PTP4A3: variants seen among roughly 807,000 people sequenced by gnomAD.
PTP4A3 encodes the protein protein tyrosine phosphatase type IVA 3.
PTP4A3 carries 9 observed loss-of-function variants against 15.2 expected under a neutral mutation model. The observed-to-expected ratio is 0.59, with a 90% CI of 0.36 to 1.03. PTP4A3 has a LOEUF of 1.03. PTP4A3 is among the 50% of genes least tolerant of loss of function. The pLI is 0.02. For synonymous variants in PTP4A3, 95 were observed against 102.0 expected (o/e 0.93, Z 0.41); for missense variants, 234 against 252.1 (o/e 0.93, Z 0.49).
At chr8:141,402,982 C>T (rs1008262583) in intron 1 of PTP4A3, among the ~76,000 whole-genome samples, 2 of 152,126 alleles carry the variant, frequency 1.3e-5, no homozygotes, top group African/African-American at 4.8e-5. Context: ...TCAGGAGGGT[C>T]CCTGGCTGGT....
In PTP4A3 at chr8:141,431,697, C is replaced by T. The variant is rs1331775011; in HGVS notation, c.*653C>T. The T allele has an allele frequency of 2.0e-5, 3 of 152,400 alleles. No homozygotes were observed. The highest frequency in any genetic ancestry group is 4.4e-5 in the Non-Finnish European group (3 of 68,190). 9.4% of individuals were successfully genotyped at this position (152,400 alleles called of 1,614,324 possible). A position where few individuals can be genotyped will look rare whatever the true frequency, so the allele number is the denominator to read the frequency against. The stretch of plus-strand genomic sequence containing the variant: ...ACCCCGACCCAGGGGCCAGCCTGCC[C>T]TGTCCTGTCCTGATACCGAGGTGGG... On this transcript the variant is annotated 3_prime_UTR_variant, in exon 6 of 6. Transcript: ENST00000521578.
intron 1 of PTP4A3, among the ~76,000 whole-genome samples, chr8:141,403,968 G>A (rs958424909): frequency 1.3e-5 from 2 of 152,252 alleles, no homozygotes; most frequent in African/African-American, 4.8e-5. Flanking sequence ...GAGTGGCTGA[G>A]CCTGTCTCAG....
intron 1 of PTP4A3, among the ~76,000 whole-genome samples, chr8:141,404,327 C>T (rs1314068015): frequency 6.6e-6 from 1 of 152,280 alleles, no homozygotes; most frequent in Non-Finnish European, 1.5e-5. Flanking sequence ...CTGCGCCTCT[C>T]CCCCTTTCAG....
chr8:141,418,182 A>ACT (rs1245898684), intron 1 of PTP4A3, among the ~76,000 whole-genome samples: 1 of 151,302 alleles, frequency 6.6e-6, no homozygotes, highest in Non-Finnish European at 1.5e-5. Context: ...GTTCCCCGGG[A>ACT]CTCCCCAGAG....
chr8:141,420,148 G>T (rs1328616204), intron 1 of PTP4A3, among the ~76,000 whole-genome samples: 1 of 152,210 alleles, frequency 6.6e-6, no homozygotes, highest in Non-Finnish European at 1.5e-5. Context: ...GGTGAGAGGG[G>T]GTGGGTTGGG....
At chr8:141,398,934 A>G (rs1366137332) in intron 1 of PTP4A3, among the ~76,000 whole-genome samples, 1 of 151,924 alleles carries the variant, frequency 6.6e-6, no homozygotes, top group Non-Finnish European at 1.5e-5. Flanking sequence ...TGGCCCAGCT[A>G]GAGGAGGTGA....
chr8:141,407,568 A>ATTT (rs34070633), intron 1 of PTP4A3, among the ~76,000 whole-genome samples: 4,652 of 139,854 alleles, frequency 0.033, 244 homozygotes, highest in East Asian at 0.1. Context: ...TAAACTTTCT[A>ATTT]TTTTTTTTTT....
chr8:141,396,716 C>T (rs541547326), intron 1 of PTP4A3, among the ~76,000 whole-genome samples: 5 of 152,262 alleles, frequency 3.3e-5, no homozygotes, highest in East Asian at 1.9e-4. Flanking sequence ...ACGGTGGCCT[C>T]GGGAAGGGCT....
rs370546239 is a variant in PTP4A3 at position 141,413,275 on chromosome 8, A to C, written c.-853-8113A>C. Among the ~76,000 whole-genome samples the C allele has an allele frequency of 6.0e-4, 92 of 152,290 alleles. 1 individual carries two copies. Among genetic ancestry groups the C allele is most frequent in the African/African-American group, 2.0e-3 (85 of 41,568 alleles). ...CTGGGGCGGGGAGAGGCTCCTTCTC[A>C]GAGGCTGTGAGCTCCGAATGAAACT... On this transcript the variant is annotated intron_variant, in intron 1 of 5. Transcript: ENST00000521578.
At chr8:141,418,501 T>G (rs1383204798) in intron 1 of PTP4A3, among the ~76,000 whole-genome samples, 1 of 152,136 alleles carries the variant, frequency 6.6e-6, no homozygotes, top group African/African-American at 2.4e-5. Flanking sequence ...GCTTGTTTCC[T>G]CATCTCGCAA....
intron 1 of PTP4A3, among the ~76,000 whole-genome samples, chr8:141,420,770 G>A (rs1833293708): frequency 6.6e-6 from 1 of 152,228 alleles, no homozygotes; most frequent in African/African-American, 2.4e-5. Context: ...GCTGCTGACA[G>A]GCAGGAGACT....
At chr8:141,411,772 G>A (rs1315498199) in intron 1 of PTP4A3, among the ~76,000 whole-genome samples, 2 of 152,222 alleles carry the variant, frequency 1.3e-5, no homozygotes, top group East Asian at 1.9e-4. Flanking sequence ...GGCCCTGGGT[G>A]GCACAGAGGA....
chr8:141,422,697 C>T (rs1276659954), intron 2 of PTP4A3, among the ~76,000 whole-genome samples: 2 of 152,146 alleles, frequency 1.3e-5, no homozygotes, highest in Non-Finnish European at 2.9e-5. Context: ...CTGGGGCCCT[C>T]CCGAGCCCTT....
At chr8:141,407,379 C>A (rs1219107636) in intron 1 of PTP4A3, among the ~76,000 whole-genome samples, 1 of 152,202 alleles carries the variant, frequency 6.6e-6, no homozygotes, top group Non-Finnish European at 1.5e-5. Context: ...GCCCTCTTCC[C>A]AACCTTGCAC....
rs759488049 is a variant in PTP4A3, at chr8:141,425,154, C to T, written c.198+14C>T. 3.2e-6 allele frequency: 5 copies of T among 1,571,164 alleles called. No homozygotes were observed. Among genetic ancestry groups the T allele is most frequent in the Non-Finnish European group, 4.3e-6 (5 of 1,150,392 alleles). On this transcript the variant is annotated intron_variant, in intron 3 of 5. Coordinates refer to ENST00000521578, the MANE Select transcript of PTP4A3 (RefSeq NM_032611.3). The surrounding 1 kb of genome is among the most constrained non-coding windows in gnomAD (Gnocchi z 4.2). ...ATCACCGTTGTGGTGAGGCGCGCGC[C>T]ACGGGGACCCTAGTCACTGCTGCCA...
chr8:141,426,724 A>G, intron 3 of PTP4A3: 1 of 959,698 alleles, frequency 1.0e-6, no homozygotes. Context: ...GGATAGCTGC[A>G]GTGTACAGGG....
At position 141,425,181 on chromosome 8, in the gene PTP4A3, C is replaced by CGGGGGCGG; in HGVS notation, c.198+46_198+47insCGGGGGGG. 1 of 345,456 alleles carries CGGGGGCGG rather than the reference C, an allele frequency of 2.9e-6. No individual in the cohort carries two copies. The highest frequency in any genetic ancestry group is 8.2e-5 in the East Asian group (1 of 12,180). The allele number at this position is 345,456 out of a possible 1,614,324, so 21.4% of individuals were successfully genotyped here. A position where few individuals can be genotyped will look rare whatever the true frequency, so the allele number is the denominator to read the frequency against. On this transcript the variant is annotated intron_variant, in intron 3 of 5. Coordinates refer to ENST00000521578, the MANE Select transcript of PTP4A3 (RefSeq NM_032611.3). This position sits in a 1 kb window ranked among gnomAD's most constrained non-coding sequence, Gnocchi z 4.2. Reference sequence around the variant, plus strand: ...CGGGGACCCTAGTCACTGCTGCCACCGGGGGAGGGTGGGGCGGGGGGCTCC... The same window carrying CGGGGGCGG: ...CGGGGACCCTAGTCACTGCTGCCACCGGGGGCGGGGGGGAGGGTGGGGCGGGGGGCTCC...
At chr8:141,417,814 C>T (rs1833121254) in intron 1 of PTP4A3, among the ~76,000 whole-genome samples, 1 of 152,018 alleles carries the variant, frequency 6.6e-6, no homozygotes, top group African/African-American at 2.4e-5. Flanking sequence ...ATTTAGGCGG[C>T]AGGTGTGGGA....
At chr8:141,411,992 G>T (rs1375038484) in intron 1 of PTP4A3, among the ~76,000 whole-genome samples, 1 of 152,210 alleles carries the variant, frequency 6.6e-6, no homozygotes, top group African/African-American at 2.4e-5. Flanking sequence ...CGCCTTCCAG[G>T]ACTGCTCTGA....
Sources: allele counts gnomAD v4.1 joint callset (sites outside exome capture counted in the v4.1 genomes callset), GRCh38; gene constraint gnomAD v4.1.1; non-coding constraint Gnocchi (gnomAD v3.1); transcripts MANE v1.5; gene names NCBI Gene and HGNC (gene_info 2026-07-23, HGNC 2026-07-21).